STYK1: variants seen among roughly 807,000 people sequenced by gnomAD.
The protein encoded by STYK1 is STY kinase 1.
In STYK1, 46 loss-of-function variants were observed where a neutral mutation model predicts 48.1. The ratio of observed to expected loss-of-function variants is 0.96; its 90% CI spans 0.75 to 1.22. The LOEUF is 1.22. STYK1 is among the 50% of genes most tolerant of loss of function. STYK1 has a pLI of 0.00. For synonymous variants in STYK1, 188 were observed against 189.0 expected (o/e 0.99, Z 0.04); for missense variants, 527 against 521.1 (o/e 1.01, Z -0.11).
chr12:10,663,037 G>A (rs906029080), intron 1 of STYK1, among the ~76,000 whole-genome samples: 2 of 152,138 alleles, frequency 1.3e-5, no homozygotes, highest in African/African-American at 4.8e-5. Context: ...TCTTTTGCAC[G>A]TGAATATCCA....
chr12:10,622,099 A>T, intron 9 of STYK1, 127 bp from the exon 10 acceptor site: 1 of 706,824 alleles, frequency 1.4e-6, no homozygotes, highest in Non-Finnish European at 2.4e-6. Context: ...ACTACATACA[A>T]TTCAGTTGCT....
chr12:10,623,154 A>G (rs1947316332), intron 8 of STYK1, among the ~76,000 whole-genome samples: 1 of 152,222 alleles, frequency 6.6e-6, no homozygotes, highest in Admixed American at 6.5e-5. Context: ...AAATATTAAC[A>G]GGGCAAGCTT....
intron 9 of STYK1, among the ~76,000 whole-genome samples, chr12:10,622,321 A>G (rs1051904337): frequency 1.1e-4 from 17 of 152,210 alleles, no homozygotes; most frequent in Admixed American, 2.6e-4. Flanking sequence ...AAACATTTTT[A>G]TGTTTATGCA....
intron 7 of STYK1, among the ~76,000 whole-genome samples, chr12:10,626,643 T>C (rs893600108): frequency 2.6e-5 from 4 of 152,176 alleles, no homozygotes; most frequent in African/African-American, 9.7e-5. Context: ...ACATATAAAC[T>C]TCCTGGGTAA....
chr12:10,629,782 G>C lies in STYK1; in HGVS notation c.452-108C>G, dbSNP rs1947402207. 3 of 1,285,846 alleles carry C rather than the reference G, an allele frequency of 2.3e-6. No homozygotes were observed. The African/African-American group carries it at 4.4e-5, about 19-fold the overall frequency. 79.7% of individuals were successfully genotyped at this position (1,285,846 alleles called of 1,614,324 possible). ...ATGTTAATTCTCAAGGCCCCACATGGGAGTGAATGAAGGCAAAAATAAACA... is the reference window on the plus strand; with the variant it reads ...ATGTTAATTCTCAAGGCCCCACATGCGAGTGAATGAAGGCAAAAATAAACA... On this transcript the variant is annotated intron_variant, in intron 5 of 10. Coordinates refer to ENST00000075503, the MANE Select transcript of STYK1 (RefSeq NM_018423.3).
chr12:10,646,692 T>C (rs1375144171), intron 1 of STYK1, among the ~76,000 whole-genome samples: 1 of 152,216 alleles, frequency 6.6e-6, no homozygotes, highest in Non-Finnish European at 1.5e-5. Context: ...CTCCAGGGCA[T>C]GTCAGAGACC....
chr12:10,641,357 C>A (rs1947542733), intron 1 of STYK1, among the ~76,000 whole-genome samples: 1 of 152,202 alleles, frequency 6.6e-6, no homozygotes, highest in African/African-American at 2.4e-5. Context: ...TGGTATTCAG[C>A]CTGCTGGGTT....
chr12:10,626,278 T>C (rs910853324), intron 7 of STYK1, among the ~76,000 whole-genome samples: 4 of 152,152 alleles, frequency 2.6e-5, no homozygotes, highest in Non-Finnish European at 5.9e-5. Context: ...ATTTGACCAA[T>C]TCATCCCTGG....
intron 4 of STYK1, among the ~76,000 whole-genome samples, 195 bp from the exon 5 acceptor site, chr12:10,631,503 C>T (rs1358383243): frequency 1.3e-5 from 2 of 152,198 alleles, no homozygotes; most frequent in African/African-American, 4.8e-5. Flanking sequence ...CCCATTAGTT[C>T]TTAGGACAAC....
chr12:10,632,251 G>A (rs1269592121), intron 4 of STYK1, among the ~76,000 whole-genome samples: 1 of 151,946 alleles, frequency 6.6e-6, no homozygotes, highest in Non-Finnish European at 1.5e-5. Flanking sequence ...CAGTGAATCA[G>A]TCACCTGTGT....
rs561738187 is a variant in STYK1 at position 10,627,420 on chromosome 12, C to T, written c.717+221G>A. ...GTATAAACCCTAAGTTGACTACTTT[C>T]TCCCTGAAATTACCAATAGTGTGGT... is the stretch of plus-strand genomic sequence containing the variant. On this transcript the variant is annotated intron_variant, in intron 7 of 10. Coordinates refer to ENST00000075503, the MANE Select transcript of STYK1 (RefSeq NM_018423.3). 9.9e-5 allele frequency among the ~76,000 whole-genome samples: 15 copies of T among 152,276 alleles called. No individual in the cohort carries two copies. In the East Asian group the frequency reaches 2.9e-3, roughly 29 times the overall value.
intron 1 of STYK1, among the ~76,000 whole-genome samples, chr12:10,644,881 T>G (rs1413158383): frequency 6.6e-6 from 1 of 151,988 alleles, no homozygotes; most frequent in Non-Finnish European, 1.5e-5. Flanking sequence ...GATAAATATT[T>G]GGGAGTCATT....
chr12:10,663,389 G>T (rs960117616), intron 1 of STYK1, among the ~76,000 whole-genome samples: 1 of 151,898 alleles, frequency 6.6e-6, no homozygotes, highest in Non-Finnish European at 1.5e-5. Flanking sequence ...GAGGCGGGAG[G>T]ATCATGAGGT....
intron 1 of STYK1, among the ~76,000 whole-genome samples, chr12:10,656,354 C>T (rs1288366365): frequency 3.5e-5 from 5 of 144,172 alleles, no homozygotes; most frequent in Admixed American, 6.9e-5. Context: ...GGGCTGAGTG[C>T]GGTGGCTCAC....
intron 5 of STYK1, among the ~76,000 whole-genome samples, chr12:10,630,693 A>G (rs920179913): frequency 2.0e-5 from 3 of 152,046 alleles, no homozygotes; most frequent in African/African-American, 7.2e-5. Context: ...ATAAAATCCA[A>G]TATCCTTTCA....
intron 1 of STYK1, among the ~76,000 whole-genome samples, chr12:10,665,098 C>T (rs574247989): frequency 6.6e-6 from 1 of 152,242 alleles, no homozygotes; most frequent in East Asian, 1.9e-4. Flanking sequence ...ATCAAGGTCA[C>T]TTGGGGTTAT....
chr12:10,666,769 C>T (rs1239089013), intron 1 of STYK1, among the ~76,000 whole-genome samples: 1 of 152,182 alleles, frequency 6.6e-6, no homozygotes, highest in African/African-American at 2.4e-5. Flanking sequence ...TGCTTTCTCT[C>T]ACCTCCACCA....
intron 8 of STYK1, among the ~76,000 whole-genome samples, chr12:10,623,064 T>G (rs770642475): frequency 2.0e-5 from 3 of 148,048 alleles, no homozygotes; most frequent in Admixed American, 6.6e-5. Context: ...ATTCTTGCCT[T>G]TATTCTTAGC....
chr12:10,650,119 CAAAAAAAAAAAAAAAAAAAA>C (rs71051518), intron 1 of STYK1, among the ~76,000 whole-genome samples: 1 of 51,296 alleles, frequency 1.9e-5, no homozygotes, highest in African/African-American at 7.7e-5. Flanking sequence ...GACTCTGTCT[CAAAAAAAAAAAAAAAAAAAA>C]AAAAAAAAAT....
Sources: allele counts gnomAD v4.1 joint callset (sites outside exome capture counted in the v4.1 genomes callset), GRCh38; gene constraint gnomAD v4.1.1; transcripts MANE v1.5; gene names NCBI Gene and HGNC (gene_info 2026-07-23, HGNC 2026-07-21).